The following SPECC1 variants were observed in gnomAD, a reference collection of about 807,000 sequenced individuals.
SPECC1 encodes cytospin-B.
Under a neutral mutation model 104.1 loss-of-function variants are expected in SPECC1, and 62 were observed. The ratio of observed to expected loss-of-function variants is 0.60; its 90% CI spans 0.49 to 0.74. The LOEUF (loss-of-function observed/expected upper bound fraction) is 0.74. SPECC1 is among the 30% of genes least tolerant of loss of function. The probability of loss-of-function intolerance (pLI) is 0.00; values close to 1 mark genes in which losing one functional copy is unlikely to be tolerated. For missense variants in SPECC1, 1,306 were observed against 1,310.5 expected (o/e 1.00, Z 0.05); for synonymous variants, 513 against 501.6 (o/e 1.02, Z -0.30).
chr17:20,306,129 A>C (rs2041754984), intron 14 of SPECC1, 47 bp downstream of exon 14: 1 of 1,560,558 alleles, frequency 6.4e-7, no homozygotes, highest in East Asian at 2.2e-5. Flanking sequence ...TTGTATGAGA[A>C]ATGACTTTAT....
rs148363150 is a variant in SPECC1, at chr17:20,125,895, C to T, written c.283+15333C>T. On this transcript the variant is annotated intron_variant, in intron 3 of 14. Transcript: ENST00000395527. The stretch of plus-strand genomic sequence containing the variant: ...AGCTTGAGGACACACATGGTGGTGT[C>T]GTGGCCCTGCGTTTCCCGGGAGTAC... Among the ~76,000 whole-genome samples, 1,027 of 152,228 alleles carry T rather than the reference C, an allele frequency of 6.7e-3. 10 individuals are homozygous for T. The highest frequency in any genetic ancestry group is 0.024 in the African/African-American group (978 of 41,530).
rs1311597483 is a variant in SPECC1, at chr17:20,138,088, C to A, written c.283+27526C>A. 2.6e-5 allele frequency among the ~76,000 whole-genome samples: 4 copies of A among 152,284 alleles called. No individual in the cohort carries two copies. The East Asian group carries it at 7.7e-4, about 29-fold the overall frequency. The stretch of plus-strand genomic sequence containing the variant: ...GGCTCAAGCAGCCCTCCCACCCCAG[C>A]CTCCTGAGTAGCTGGGACTACAGGT... On this transcript the variant is annotated intron_variant, in intron 3 of 14. Transcript: ENST00000395527.
intron 1 of SPECC1, among the ~76,000 whole-genome samples, chr17:20,025,501 A>G (rs370309691): frequency 2.0e-5 from 3 of 152,152 alleles, no homozygotes; most frequent in East Asian, 3.9e-4. Context: ...TTCACTTAGC[A>G]TAAGGTTTCC....
At chr17:20,212,519 T>C (rs1006442397) in intron 4 of SPECC1, among the ~76,000 whole-genome samples, 7 of 152,186 alleles carry the variant, frequency 4.6e-5, no homozygotes, top group Non-Finnish European at 1.0e-4. Context: ...CTCCCCCTTA[T>C]ATAATCATCA....
intron 1 of SPECC1, among the ~76,000 whole-genome samples, chr17:20,058,543 C>G (rs1358401732): frequency 6.6e-6 from 1 of 152,072 alleles, no homozygotes; most frequent in East Asian, 1.9e-4. Flanking sequence ...CCTGTAGTCC[C>G]AGCTACTCAG....
In SPECC1 at chr17:20,318,597, GCCCATAGATGCAGAC is replaced by G. The variant is rs1045381450; in HGVS notation, c.*4536_*4550del. The G allele has an allele frequency of 1.7e-5, 4 of 229,118 alleles. No homozygotes were observed. The highest frequency in any genetic ancestry group is 5.7e-5 in the Admixed American group (1 of 17,648). The allele number at this position is 229,118 out of a possible 1,614,324, so 14.2% of individuals were successfully genotyped here. On this transcript the variant is annotated 3_prime_UTR_variant, in exon 15 of 15. Transcript: ENST00000395527. ...CAGCTTGTGGAGATGGAGGACTCGG[GCCCATAGATGCAGAC>G]CCCCTACCAAATCTAGCAATAGTTC...
chr17:20,123,599 C>T (rs2049144164), intron 3 of SPECC1, among the ~76,000 whole-genome samples: 1 of 152,216 alleles, frequency 6.6e-6, no homozygotes, highest in South Asian at 2.1e-4. Context: ...GTATTCTTAT[C>T]CCCATCTGAC....
At chr17:20,192,009 T>C (rs550213685) in intron 3 of SPECC1, among the ~76,000 whole-genome samples, 1 of 152,284 alleles carries the variant, frequency 6.6e-6, no homozygotes, top group South Asian at 2.1e-4. Flanking sequence ...CAATTATGAC[T>C]TACTGCAGCC....
At chr17:20,116,310 G>A (rs7219260) in intron 3 of SPECC1, among the ~76,000 whole-genome samples, 5 of 151,954 alleles carry the variant, frequency 3.3e-5, no homozygotes, top group African/African-American at 1.2e-4. Context: ...GGATGGTCTC[G>A]ATCTCCTGAC....
chr17:20,138,591 C>A (rs1376394246), intron 3 of SPECC1, among the ~76,000 whole-genome samples: 1 of 152,188 alleles, frequency 6.6e-6, no homozygotes, highest in Admixed American at 6.5e-5. Flanking sequence ...TTTTGCCTTT[C>A]CTAGAATGTC....
At chr17:20,217,816 A>C (rs1473257135) in intron 4 of SPECC1, among the ~76,000 whole-genome samples, 1 of 152,204 alleles carries the variant, frequency 6.6e-6, no homozygotes, top group Non-Finnish European at 1.5e-5. Flanking sequence ...TGGGAGGCCA[A>C]GATGGGAGGA....
intron 3 of SPECC1, among the ~76,000 whole-genome samples, chr17:20,158,629 C>T (rs1176155408): frequency 6.6e-6 from 1 of 152,216 alleles, no homozygotes; most frequent in East Asian, 1.9e-4. Flanking sequence ...AGTCATTGGC[C>T]AGAGGCTACT....
intron 3 of SPECC1, among the ~76,000 whole-genome samples, chr17:20,164,170 T>C (rs1310462795): frequency 7.6e-6 from 1 of 131,782 alleles, no homozygotes; most frequent in African/African-American, 3.1e-5. Context: ...TCCCATGTAA[T>C]TTTTTTTTTT....
intron 11 of SPECC1, among the ~76,000 whole-genome samples, chr17:20,258,313 G>A (rs922555596): frequency 1.3e-5 from 2 of 152,222 alleles, no homozygotes; most frequent in Non-Finnish European, 2.9e-5. Flanking sequence ...ATGGTTGGCA[G>A]AGGGAGAGGA....
At chr17:20,093,323 C>T (rs1484652521) in intron 1 of SPECC1, among the ~76,000 whole-genome samples, 1 of 152,190 alleles carries the variant, frequency 6.6e-6, no homozygotes, top group African/African-American at 2.4e-5. Context: ...GAGGGCTCTG[C>T]CTCCCAGATG....
At chr17:20,103,149 G>T (rs981330363) in intron 2 of SPECC1, among the ~76,000 whole-genome samples, 1 of 152,166 alleles carries the variant, frequency 6.6e-6, no homozygotes, top group African/African-American at 2.4e-5. Context: ...CCCAACCCCT[G>T]TGACGTGGGA....
intron 4 of SPECC1, among the ~76,000 whole-genome samples, chr17:20,218,290 C>A (rs1193640756): frequency 6.6e-6 from 1 of 152,102 alleles, no homozygotes; most frequent in East Asian, 1.9e-4. Flanking sequence ...TGCCCACCCC[C>A]CAACCCTGCA....
chr17:20,234,660 C>T (rs2038800212), intron 7 of SPECC1, among the ~76,000 whole-genome samples: 3 of 152,214 alleles, frequency 2.0e-5, no homozygotes, highest in Admixed American at 6.5e-5. Context: ...CATTCTCTGA[C>T]GAGGTCCTCA....
In SPECC1 at chr17:20,294,804, GAT is replaced by G. The variant is rs2041292904; in HGVS notation, c.2941-2154_2941-2153del. 3.9e-5 allele frequency among the ~76,000 whole-genome samples: 6 copies of G among 152,200 alleles called. No individual in the cohort carries two copies. The South Asian group carries it at 1.2e-3, about 32-fold the overall frequency. ...ATCAGGTGGGTTAATTTGAGAATAA[GAT>G]ATCTTTGAGCCTTTAATGACTCTCC... On this transcript the variant is annotated intron_variant, in intron 12 of 14. Coordinates refer to ENST00000395527, the MANE Select transcript of SPECC1 (RefSeq NM_001243439.2).
Sources: allele counts gnomAD v4.1 joint callset (sites outside exome capture counted in the v4.1 genomes callset), GRCh38; gene constraint gnomAD v4.1.1; transcripts MANE v1.5; gene names NCBI Gene and HGNC (gene_info 2026-07-23, HGNC 2026-07-21).